CSMD1: variants seen among roughly 807,000 people sequenced by gnomAD.
CSMD1 encodes CUB and sushi domain-containing protein 1.
Under a neutral mutation model 417.5 loss-of-function variants are expected in CSMD1, and 213 were observed. The ratio of observed to expected loss-of-function variants is 0.51; its 90% CI spans 0.46 to 0.57. CSMD1 has a LOEUF of 0.57. CSMD1 is among the 20% of genes least tolerant of loss of function. CSMD1 has a pLI of 0.00. For missense variants in CSMD1, 6,923 were observed against 4,529.7 expected (o/e 1.53, Z -15.17); for synonymous variants, 2,862 against 1,736.8 (o/e 1.65, Z -16.11).
At chr8:3,279,407 T>C (rs1802563010) in intron 26 of CSMD1, among the ~76,000 whole-genome samples, 1 of 152,190 alleles carries the variant, frequency 6.6e-6, no homozygotes, top group African/African-American at 2.4e-5. Context: ...ATAATTTGTC[T>C]TAGGAAAATG....
intron 21 of CSMD1, among the ~76,000 whole-genome samples, chr8:3,352,556 T>C (rs575286480): frequency 2.6e-5 from 4 of 152,176 alleles, no homozygotes; most frequent in South Asian, 2.1e-4. Context: ...TATTACATCA[T>C]TGGCTGGGCG....
chr8:4,164,822 G>C (rs1039318390), intron 3 of CSMD1, among the ~76,000 whole-genome samples: 1 of 151,736 alleles, frequency 6.6e-6, no homozygotes, highest in East Asian at 1.9e-4. Flanking sequence ...CTTGCAGTGA[G>C]CTGACATTGT....
At chr8:4,457,736 G>C (rs1257078921) in intron 2 of CSMD1, among the ~76,000 whole-genome samples, 1 of 152,148 alleles carries the variant, frequency 6.6e-6, no homozygotes, top group Non-Finnish European at 1.5e-5. Flanking sequence ...GTGCTCCTCT[G>C]TATGGGATCC....
intron 6 of CSMD1, among the ~76,000 whole-genome samples, chr8:3,743,136 T>G (rs1273982359): frequency 6.6e-6 from 1 of 152,190 alleles, no homozygotes. Flanking sequence ...CTCAGTGTCA[T>G]GAAGGTCTTC....
At chr8:3,585,490 C>T (rs1446810551) in intron 9 of CSMD1, among the ~76,000 whole-genome samples, 1 of 152,032 alleles carries the variant, frequency 6.6e-6, no homozygotes, top group African/African-American at 2.4e-5. Context: ...CATTTTAAAA[C>T]AACCAAAATA....
intron 23 of CSMD1, among the ~76,000 whole-genome samples, chr8:3,321,171 C>A (rs1806130328): frequency 6.6e-6 from 1 of 152,108 alleles, no homozygotes; most frequent in Non-Finnish European, 1.5e-5. Context: ...CCTTTGCTTT[C>A]TAAGCTTCCA....
chr8:3,857,785 G>A (rs750929579), intron 5 of CSMD1, among the ~76,000 whole-genome samples: 1 of 152,170 alleles, frequency 6.6e-6, no homozygotes, highest in African/African-American at 2.4e-5. Context: ...TGCAATGGGG[G>A]AAAAGGATAC....
intron 3 of CSMD1, among the ~76,000 whole-genome samples, chr8:4,210,338 G>T (rs1163112093): frequency 6.6e-6 from 1 of 152,206 alleles, no homozygotes; most frequent in Non-Finnish European, 1.5e-5. Flanking sequence ...GCTGTGTCAA[G>T]TAAGTTGTAT....
intron 8 of CSMD1, among the ~76,000 whole-genome samples, chr8:3,589,379 G>GGTGTGTGT (rs58729391): frequency 9.3e-5 from 14 of 150,050 alleles, no homozygotes; most frequent in African/African-American, 3.4e-4. Context: ...AAGAAAATGT[G>GGTGTGTGT]GTGTGTGTGT....
chr8:4,841,501 A>C (rs1585196069), intron 1 of CSMD1, among the ~76,000 whole-genome samples: 1 of 152,338 alleles, frequency 6.6e-6, no homozygotes, highest in East Asian at 1.9e-4. Flanking sequence ...CAAGTCACTA[A>C]GTTTTCTTAA....
intron 10 of CSMD1, among the ~76,000 whole-genome samples, chr8:3,502,845 G>A (rs191796177): frequency 6.6e-6 from 1 of 152,278 alleles, no homozygotes; most frequent in Admixed American, 6.5e-5. Context: ...GAGCCCTAAC[G>A]TGCACTATGG....
chr8:4,879,482 A>G (rs1186660894), intron 1 of CSMD1, among the ~76,000 whole-genome samples: 1 of 152,142 alleles, frequency 6.6e-6, no homozygotes, highest in Admixed American at 6.5e-5. Context: ...GAAATAGCAA[A>G]TATGAATTTA....
intron 7 of CSMD1, among the ~76,000 whole-genome samples, chr8:3,707,840 C>G (rs1195176354): frequency 6.6e-6 from 1 of 152,064 alleles, no homozygotes; most frequent in Non-Finnish European, 1.5e-5. Context: ...GGAGAAGGCA[C>G]CAAAATGGCA....
chr8:4,948,556 A>G (rs1016931418), intron 1 of CSMD1, among the ~76,000 whole-genome samples: 3 of 151,972 alleles, frequency 2.0e-5, no homozygotes, highest in South Asian at 4.1e-4. Flanking sequence ...CTGCTAGAAA[A>G]TTTATTCATA....
intron 33 of CSMD1, among the ~76,000 whole-genome samples, chr8:3,191,416 A>C (rs955377053): frequency 3.3e-5 from 5 of 152,310 alleles, no homozygotes; most frequent in South Asian, 4.1e-4. Context: ...AGATCACACC[A>C]CTGCACTCCA....
At chr8:3,452,946 C>T (rs1481856717) in intron 12 of CSMD1, among the ~76,000 whole-genome samples, 1 of 152,152 alleles carries the variant, frequency 6.6e-6, no homozygotes, top group African/African-American at 2.4e-5. Context: ...CCATCCGTTT[C>T]TGGACTTTTT....
chr8:4,648,959 C>G (rs1054388123), intron 1 of CSMD1, among the ~76,000 whole-genome samples: 1 of 152,220 alleles, frequency 6.6e-6, no homozygotes, highest in South Asian at 2.1e-4. Context: ...AGTACTGACA[C>G]CTAGTATCCT....
intron 5 of CSMD1, among the ~76,000 whole-genome samples, chr8:3,755,733 A>G (rs1262162093): frequency 6.6e-6 from 1 of 152,150 alleles, no homozygotes; most frequent in African/African-American, 2.4e-5. Context: ...AAAAATGTAC[A>G]GGATCCACTT....
intron 10 of CSMD1, among the ~76,000 whole-genome samples, chr8:3,534,048 G>A (rs1027273543): frequency 1.3e-5 from 2 of 152,116 alleles, no homozygotes; most frequent in Admixed American, 1.3e-4. Context: ...GTCATTGCTT[G>A]AAGTTACTAG....
Sources: gnomAD v4.1 joint callset for allele counts (sites outside exome capture counted in the v4.1 genomes callset) on GRCh38, gnomAD v4.1.1 for gene constraint, MANE v1.5 for transcripts, NCBI Gene and HGNC (gene_info 2026-07-23, HGNC 2026-07-21) for gene names.